Variants in DPP10 observed in about 807,000 individuals in gnomAD.
DPP10 encodes the protein dipeptidyl peptidase like 10.
Under a neutral mutation model 120.9 loss-of-function variants are expected in DPP10, and 33 were observed. The ratio of observed to expected loss-of-function variants is 0.27; its 90% CI spans 0.21 to 0.37. The LOEUF (loss-of-function observed/expected upper bound fraction) is 0.37, where lower values mean the gene tolerates loss of function less well. DPP10 is among the 10% of genes least tolerant of loss of function. The pLI is 1.00. For missense variants in DPP10, 816 were observed against 942.8 expected (o/e 0.87, Z 1.76); for synonymous variants, 337 against 326.1 (o/e 1.03, Z -0.36).
chr2:115,598,951 G>A (rs1220560235), intron 5 of DPP10, among the ~76,000 whole-genome samples: 1 of 151,462 alleles, frequency 6.6e-6, no homozygotes, highest in African/African-American at 2.4e-5. Flanking sequence ...ATTATGAGAT[G>A]AGAACTTTAT....
chr2:114,897,310 G>A lies in DPP10; in HGVS notation c.61-411929G>A, dbSNP rs533121564. ...TTATTGGAATAGTTTCAGAAAGAAT[G>A]GTACCAGTTCCTCCTTGTACCTCTG... On this transcript the variant is annotated intron_variant, in intron 1 of 25. Transcript: ENST00000410059. 2.6e-5 allele frequency among the ~76,000 whole-genome samples: 4 copies of A among 152,272 alleles called. No individual in the cohort carries two copies. In the East Asian group the frequency reaches 5.8e-4, roughly 22 times the overall value.
At chr2:114,826,711 A>G (rs1008772258) in intron 1 of DPP10, among the ~76,000 whole-genome samples, 1 of 152,090 alleles carries the variant, frequency 6.6e-6, no homozygotes, top group Non-Finnish European at 1.5e-5. Context: ...TTGTATTTTT[A>G]GTAGAGATGG....
intron 1 of DPP10, among the ~76,000 whole-genome samples, chr2:115,236,070 C>G (rs2057990902): frequency 6.6e-6 from 1 of 152,154 alleles, no homozygotes; most frequent in African/African-American, 2.4e-5. Flanking sequence ...CCTATACATA[C>G]TCCCCCTCCA....
At chr2:115,507,032 GCGCACACA>G (rs1054583933) in intron 4 of DPP10, among the ~76,000 whole-genome samples, 2 of 148,830 alleles carry the variant, frequency 1.3e-5, no homozygotes, top group African/African-American at 5.1e-5. Flanking sequence ...ACACACGCAC[GCGCACACA>G]CACACACACA....
intron 1 of DPP10, among the ~76,000 whole-genome samples, chr2:114,626,551 A>G (rs1041889099): frequency 6.6e-6 from 1 of 152,054 alleles, no homozygotes; most frequent in Non-Finnish European, 1.5e-5. Context: ...GGTGGTCACT[A>G]AATTCATGCA....
chr2:115,714,320 A>G (rs571029026), intron 7 of DPP10, among the ~76,000 whole-genome samples: 2 of 152,334 alleles, frequency 1.3e-5, no homozygotes, highest in Admixed American at 6.5e-5. Flanking sequence ...ACTAGAGCAG[A>G]ATGCAAAGAA....
chr2:115,536,720 T>A (rs1409844404), intron 5 of DPP10, among the ~76,000 whole-genome samples: 1 of 152,018 alleles, frequency 6.6e-6, no homozygotes, highest in Non-Finnish European at 1.5e-5. Flanking sequence ...AAATTATTTA[T>A]GGATAGGAGA....
intron 21 of DPP10, among the ~76,000 whole-genome samples, chr2:115,818,902 A>G (rs17045100): frequency 0.013 from 1,781 of 140,534 alleles, 32 homozygotes; most frequent in African/African-American, 0.045. Context: ...GAATGACTTC[A>G]TCTTAAATGG....
At chr2:115,127,252 AT>A (rs774188296) in intron 1 of DPP10, among the ~76,000 whole-genome samples, 2 of 152,226 alleles carry the variant, frequency 1.3e-5, no homozygotes, top group Non-Finnish European at 2.9e-5. Context: ...TGGAATACTG[AT>A]TCTCTTCGTG....
At chr2:115,063,205 G>A (rs575456934) in intron 1 of DPP10, among the ~76,000 whole-genome samples, 2 of 152,130 alleles carry the variant, frequency 1.3e-5, no homozygotes, top group Non-Finnish European at 1.5e-5. Context: ...AGAAGTGTCT[G>A]TTCATGTCCT....
chr2:114,768,887 T>C (rs1346532113), intron 1 of DPP10, among the ~76,000 whole-genome samples: 2 of 152,128 alleles, frequency 1.3e-5, no homozygotes, highest in Non-Finnish European at 2.9e-5. Flanking sequence ...TGAATCAGAT[T>C]AGTGGTAGGG....
At chr2:115,360,534 C>T (rs779499004) in intron 3 of DPP10, among the ~76,000 whole-genome samples, 7 of 152,106 alleles carry the variant, frequency 4.6e-5, no homozygotes, top group Non-Finnish European at 7.3e-5. Context: ...CAACTGTGTG[C>T]CTTTTTTGTA....
At chr2:115,151,545 T>G (rs2051557406) in intron 1 of DPP10, among the ~76,000 whole-genome samples, 1 of 151,606 alleles carries the variant, frequency 6.6e-6, no homozygotes, top group Admixed American at 6.6e-5. Context: ...GTAGCTGGGA[T>G]TACAGGCACC....
At chr2:115,573,144 G>C (rs2081435169) in intron 5 of DPP10, among the ~76,000 whole-genome samples, 1 of 152,080 alleles carries the variant, frequency 6.6e-6, no homozygotes. Flanking sequence ...TATCAAGTAG[G>C]AAATAGAACA....
At chr2:115,013,591 T>C (rs1702415583) in intron 1 of DPP10, among the ~76,000 whole-genome samples, 1 of 148,356 alleles carries the variant, frequency 6.7e-6, no homozygotes, top group Non-Finnish European at 1.5e-5. Flanking sequence ...GAGACTCATC[T>C]CATGTGCAAA....
chr2:115,196,641 C>A (rs1378693026), intron 1 of DPP10, among the ~76,000 whole-genome samples: 1 of 152,080 alleles, frequency 6.6e-6, no homozygotes, highest in Non-Finnish European at 1.5e-5. Context: ...ATAAAAGAGA[C>A]TCTTTTTTTA....
chr2:114,595,143 T>C (rs192263215), intron 1 of DPP10, among the ~76,000 whole-genome samples: 12 of 152,276 alleles, frequency 7.9e-5, no homozygotes, highest in Admixed American at 7.9e-4. Context: ...TCACTCTACC[T>C]AAAGTCCCGT....
chr2:115,372,627 T>C (rs572649143), intron 3 of DPP10, among the ~76,000 whole-genome samples: 2 of 152,302 alleles, frequency 1.3e-5, no homozygotes, highest in South Asian at 4.1e-4. Context: ...GGTAACTGGC[T>C]ACTGATTCAG....
intron 3 of DPP10, among the ~76,000 whole-genome samples, chr2:115,491,953 G>C (rs775604150): frequency 6.6e-6 from 1 of 152,126 alleles, no homozygotes; most frequent in Non-Finnish European, 1.5e-5. Flanking sequence ...CTTGTTAAAG[G>C]CAGGCCAAGG....
Sources: gnomAD v4.1 joint callset for allele counts (sites outside exome capture counted in the v4.1 genomes callset) on GRCh38, gnomAD v4.1.1 for gene constraint, MANE v1.5 for transcripts, NCBI Gene and HGNC (gene_info 2026-07-23, HGNC 2026-07-21) for gene names.